Variants in DENND1A observed in about 807,000 individuals in gnomAD.
The protein encoded by DENND1A is DENN domain containing 1A.
In DENND1A, 51 loss-of-function variants were observed where a neutral mutation model predicts 113.7. That is an observed-to-expected ratio of 0.45 (90% confidence interval 0.36 to 0.57). The LOEUF (loss-of-function observed/expected upper bound fraction) is 0.57. Among genes scored for constraint, DENND1A ranks in the 20% least tolerant of loss-of-function variants. The pLI is 0.00. For missense variants in DENND1A, 1,258 were observed against 1,395.9 expected, an observed-to-expected ratio of 0.90 and a Z score of 1.57; for synonymous variants, 565 against 570.8, an observed-to-expected ratio of 0.99 and a Z score of 0.14.
intron 6 of DENND1A, 139 bp downstream of exon 6, chr9:123,676,581 C>T: frequency 1.5e-6 from 1 of 674,336 alleles, no homozygotes; most frequent in South Asian, 2.1e-5. Flanking sequence ...CTTTTCCTTC[C>T]TATTATTTTC....
At chr9:123,483,775 G>A (rs1474530691) in intron 13 of DENND1A, among the ~76,000 whole-genome samples, 3 of 152,226 alleles carry the variant, frequency 2.0e-5, no homozygotes, top group Non-Finnish European at 4.4e-5. Context: ...TCGTTTGTAA[G>A]ATGGGGATAA....
At chr9:123,487,556 G>T (rs970032781) in intron 13 of DENND1A, among the ~76,000 whole-genome samples, 1 of 152,178 alleles carries the variant, frequency 6.6e-6, no homozygotes, top group African/African-American at 2.4e-5. Flanking sequence ...TCCTGGATGC[G>T]ATTGTCCTGT....
intron 7 of DENND1A, among the ~76,000 whole-genome samples, chr9:123,669,347 T>C (rs911014363): frequency 1.3e-5 from 2 of 152,182 alleles, no homozygotes; most frequent in African/African-American, 2.4e-5. Context: ...ATGCAATTGA[T>C]AGTAAATAGT....
chr9:123,746,531 A>T (rs765436197), intron 5 of DENND1A, among the ~76,000 whole-genome samples: 15 of 152,308 alleles, frequency 9.8e-5, no homozygotes, highest in Non-Finnish European at 2.1e-4. Flanking sequence ...TGCAGAATAT[A>T]TACCAGTTGA....
In DENND1A at chr9:123,929,042, G is replaced by A. The variant is rs79740971; in HGVS notation, c.17+847C>T. Among the ~76,000 whole-genome samples, 1,206 of 152,310 alleles carry A rather than the reference G, an allele frequency of 7.9e-3. 14 individuals carry two copies. Among genetic ancestry groups the A allele is most frequent in the Non-Finnish European group, 0.014 (965 of 68,020 alleles). ...GGAGAGGCCACAAGAGGACCTGGCT[G>A]GGAGGGGAGATAGAGTCGAAAGCCA... On this transcript the variant is annotated intron_variant, in intron 1 of 23. Coordinates refer to ENST00000394215, the MANE Select transcript of DENND1A (RefSeq NM_001352964.2).
intron 3 of DENND1A, among the ~76,000 whole-genome samples, chr9:123,780,618 G>T (rs1310519299): frequency 6.6e-6 from 1 of 152,120 alleles, no homozygotes; most frequent in Non-Finnish European, 1.5e-5. Context: ...AAAGGAATGG[G>T]GAAGACTATT....
At position 123,440,398 on chromosome 9, in the gene DENND1A, G is replaced by A; in HGVS notation, c.1450C>T (p.Arg484Ter). ...ACTGTGATTGGCCGCCGGTCTTCTCGGAGCTTGGGGTCCTTGGCCTCCACC... is the reference window on the plus strand; with the variant it reads ...ACTGTGATTGGCCGCCGGTCTTCTCAGAGCTTGGGGTCCTTGGCCTCCACC... ...PLVEAKDPKL[R>*]EDRRPITVHF... Residue 484 changes from arginine to a stop codon, truncating the protein, a stop_gained, in exon 19 of 24, where the codon CGA (arginine) becomes TGA (stop). Transcript: ENST00000394215. LOFTEE classifies it high-confidence loss of function. 1 of 1,600,360 alleles carries A rather than the reference G, an allele frequency of 6.2e-7. No individual in the cohort carries two copies. Among genetic ancestry groups the A allele is most frequent in the Non-Finnish European group, 8.5e-7 (1 of 1,174,620 alleles).
intron 19 of DENND1A, among the ~76,000 whole-genome samples, chr9:123,416,166 G>A (rs917682395): frequency 6.6e-6 from 1 of 152,160 alleles, no homozygotes; most frequent in African/African-American, 2.4e-5. Flanking sequence ...TGAACCTGGA[G>A]TGGTTCCTCT....
chr9:123,407,842 T>C (rs1179530399), intron 20 of DENND1A, among the ~76,000 whole-genome samples: 1 of 152,138 alleles, frequency 6.6e-6, no homozygotes, highest in Non-Finnish European at 1.5e-5. Flanking sequence ...ACTGAGTACA[T>C]TTGATTTTAA....
At chr9:123,795,883 C>T (rs1833687211) in intron 2 of DENND1A, among the ~76,000 whole-genome samples, 1 of 152,100 alleles carries the variant, frequency 6.6e-6, no homozygotes, top group African/African-American at 2.4e-5. Flanking sequence ...TTTGCTTAGG[C>T]GATTGGCAGT....
intron 5 of DENND1A, among the ~76,000 whole-genome samples, chr9:123,729,285 T>C (rs1379393962): frequency 6.6e-6 from 1 of 152,010 alleles, no homozygotes; most frequent in South Asian, 2.1e-4. Context: ...AAGAAAGAAA[T>C]AAAGGGCATT....
At chr9:123,573,223 C>T (rs1589191799) in intron 12 of DENND1A, among the ~76,000 whole-genome samples, 1 of 152,210 alleles carries the variant, frequency 6.6e-6, no homozygotes, top group Middle Eastern at 3.4e-3. Context: ...ATAAGTCCTA[C>T]AACTTTGTTC....
chr9:123,779,258 G>C (rs559222435), intron 3 of DENND1A, among the ~76,000 whole-genome samples: 1 of 152,168 alleles, frequency 6.6e-6, no homozygotes, highest in Non-Finnish European at 1.5e-5. Flanking sequence ...GTCCAATGAC[G>C]TTCCATTAGA....
intron 4 of DENND1A, among the ~76,000 whole-genome samples, chr9:123,766,373 G>A (rs959628309): frequency 2.0e-5 from 3 of 152,058 alleles, no homozygotes; most frequent in Non-Finnish European, 2.9e-5. Context: ...GACCATTTCC[G>A]TTATCCCCCA....
intron 19 of DENND1A, among the ~76,000 whole-genome samples, chr9:123,416,535 G>A (rs528745786): frequency 6.6e-6 from 1 of 152,360 alleles, no homozygotes; most frequent in South Asian, 2.1e-4. Flanking sequence ...GTGATCCTCT[G>A]TCCCCTGGCC....
chr9:123,630,833 T>A (rs1412393615), intron 9 of DENND1A, among the ~76,000 whole-genome samples: 2 of 152,240 alleles, frequency 1.3e-5, no homozygotes, highest in Non-Finnish European at 2.9e-5. Flanking sequence ...ACAGTATTCT[T>A]CTGTGTTTCT....
At chr9:123,889,064 A>G (rs1218041651) in intron 1 of DENND1A, among the ~76,000 whole-genome samples, 1 of 151,082 alleles carries the variant, frequency 6.6e-6, no homozygotes, top group Admixed American at 6.6e-5. Flanking sequence ...AGTTCCTGGA[A>G]AAATATTTTT....
At chr9:123,530,736 G>A (rs1045524740) in intron 13 of DENND1A, among the ~76,000 whole-genome samples, 2 of 152,154 alleles carry the variant, frequency 1.3e-5, no homozygotes, top group Non-Finnish European at 2.9e-5. Flanking sequence ...ACGACCCTCA[G>A]TGTATACCTG....
At chr9:123,443,862 G>T (rs1332354630) in intron 18 of DENND1A, among the ~76,000 whole-genome samples, 1 of 152,130 alleles carries the variant, frequency 6.6e-6, no homozygotes, top group Non-Finnish European at 1.5e-5. Context: ...AGGCTGAAAT[G>T]GGAGGATCAC....
Sources: allele counts gnomAD v4.1 joint callset (sites outside exome capture counted in the v4.1 genomes callset), GRCh38; gene constraint gnomAD v4.1.1; transcripts MANE v1.5; gene names NCBI Gene and HGNC (gene_info 2026-07-23, HGNC 2026-07-21).